The following SLC25A26 variants were observed in gnomAD, a reference collection of about 807,000 sequenced individuals.
SLC25A26 encodes the protein mitochondrial S-adenosylmethionine carrier protein.
A neutral mutation model predicts 37.8 loss-of-function variants in SLC25A26; 36 were observed. That is an observed-to-expected ratio of 0.95 (90% confidence interval 0.73 to 1.26). The LOEUF (loss-of-function observed/expected upper bound fraction) is 1.26, where lower values mean the gene tolerates loss of function less well. Ranked by LOEUF, SLC25A26 falls within the 50% of genes most tolerant of loss-of-function variation. The probability of loss-of-function intolerance (pLI) is 0.00; values close to 1 mark genes in which losing one functional copy is unlikely to be tolerated. For synonymous variants in SLC25A26, 129 were observed against 122.5 expected, an observed-to-expected ratio of 1.05 and a Z score of -0.35; for missense variants, 390 against 331.1, an observed-to-expected ratio of 1.18 and a Z score of -1.38.
intron 9 of SLC25A26, 49 bp from the exon 10 acceptor site, chr3:66,377,641 C>T: frequency 1.4e-6 from 2 of 1,469,094 alleles, no homozygotes; most frequent in South Asian, 1.1e-5. Flanking sequence ...TGGAATTTAA[C>T]CTTTTTTTAA....
At chr3:66,297,042 G>C (rs1279550961) in intron 5 of SLC25A26, among the ~76,000 whole-genome samples, 1 of 152,142 alleles carries the variant, frequency 6.6e-6, no homozygotes, top group Non-Finnish European at 1.5e-5. Flanking sequence ...GTTTGGCATT[G>C]AGCGAGGTGC....
At chr3:66,218,956 T>G (rs1199593511), upstream of SLC25A26, among the ~76,000 whole-genome samples, 1 of 152,246 alleles carries the variant, frequency 6.6e-6, no homozygotes, top group Non-Finnish European at 1.5e-5. Flanking sequence ...GCTAAATGAC[T>G]CCTTGATTCT....
chr3:66,193,151 C>G (rs1240141290), intron 1 of SLC25A26, among the ~76,000 whole-genome samples: 6 of 152,006 alleles, frequency 3.9e-5, no homozygotes, highest in African/African-American at 7.2e-5. Flanking sequence ...ATTTAGTATA[C>G]TGACAATTAT....
At chr3:66,175,820 A>C (rs2070578590) in intron 1 of SLC25A26, among the ~76,000 whole-genome samples, 1 of 152,198 alleles carries the variant, frequency 6.6e-6, no homozygotes, top group African/African-American at 2.4e-5. Context: ...AGGCCCACAC[A>C]CATTAGGGCG....
upstream of SLC25A26, chr3:66,220,855 C>T (rs2071451112): frequency 5.3e-6 from 3 of 569,752 alleles, no homozygotes; most frequent in South Asian, 4.2e-5. Flanking sequence ...TGCAGGAAAC[C>T]GAGGTAAGGG....
At chr3:66,280,885 C>T (rs1322980713) in intron 5 of SLC25A26, among the ~76,000 whole-genome samples, 1 of 152,006 alleles carries the variant, frequency 6.6e-6, no homozygotes, top group Non-Finnish European at 1.5e-5. Context: ...GAATGGAGTC[C>T]TACTTCTCAT....
intron 4 of SLC25A26, 128 bp from the exon 5 acceptor site, chr3:66,263,204 C>G: frequency 1.4e-6 from 1 of 700,610 alleles, no homozygotes; most frequent in Non-Finnish European, 2.6e-6. Context: ...TCATTAACCT[C>G]TTAGAGAAGT....
In SLC25A26 at chr3:66,349,265, A is replaced by T. The variant is rs548616542; in HGVS notation, c.498+2857A>T. 5.5e-4 allele frequency among the ~76,000 whole-genome samples: 83 copies of T among 152,234 alleles called. 1 individual carries two copies. The highest frequency in any genetic ancestry group is 4.6e-3 in the South Asian group (22 of 4,820). Reference sequence around the variant, plus strand: ...TCGTTTCTTGAGGAACGCTTTACATATGATAAAACTCACCCTTTATACCTG... The same window carrying T: ...TCGTTTCTTGAGGAACGCTTTACATTTGATAAAACTCACCCTTTATACCTG... On this transcript the variant is annotated intron_variant, in intron 6 of 9. Transcript: ENST00000354883.
At chr3:66,156,742 C>T (rs147789232) in intron 1 of SLC25A26, among the ~76,000 whole-genome samples, 11 of 152,210 alleles carry the variant, frequency 7.2e-5, no homozygotes, top group East Asian at 1.9e-4. Flanking sequence ...TGGCTCAGAA[C>T]ATGCCACACT....
chr3:66,142,779 T>C (rs1349546741), intron 1 of SLC25A26, among the ~76,000 whole-genome samples: 5 of 152,192 alleles, frequency 3.3e-5, no homozygotes, highest in African/African-American at 4.8e-5. Flanking sequence ...TTTCTCTTTT[T>C]TTGAGACAGG....
chr3:66,342,688 C>T (rs2076235616), intron 5 of SLC25A26, among the ~76,000 whole-genome samples: 1 of 152,170 alleles, frequency 6.6e-6, no homozygotes, highest in Admixed American at 6.5e-5. Context: ...CATGCCCTTC[C>T]TGTTTACCAC....
intron 5 of SLC25A26, chr3:66,293,164 A>G (rs1356383651): frequency 1.3e-5 from 2 of 152,106 alleles, no homozygotes; most frequent in Non-Finnish European, 2.9e-5. Flanking sequence ...CACAGGGCCC[A>G]TGCTAATCTT....
intron 1 of SLC25A26, among the ~76,000 whole-genome samples, chr3:66,184,585 C>CTGCTCAGCTTGAGTTTACTATGTATTACA (rs2070779587): frequency 7.8e-6 from 1 of 128,136 alleles, no homozygotes; most frequent in Non-Finnish European, 1.7e-5. Context: ...TCACCTGACT[C>CTGCTCAGCTTGAGTTTACTATGTATTACA]TGCTCACCTT....
chr3:66,260,372 G>C (rs1392239410), intron 3 of SLC25A26, among the ~76,000 whole-genome samples: 1 of 152,198 alleles, frequency 6.6e-6, no homozygotes, highest in Non-Finnish European at 1.5e-5. Flanking sequence ...GGAAAAATAT[G>C]TTGGCCCAAG....
chr3:66,225,586 C>T (rs1238490711), intron 1 of SLC25A26, among the ~76,000 whole-genome samples: 2 of 152,222 alleles, frequency 1.3e-5, no homozygotes, highest in Admixed American at 6.5e-5. Context: ...ACTGTCTTGT[C>T]AGTTAACATT....
At chr3:66,240,538 A>C (rs2072524374) in intron 2 of SLC25A26, among the ~76,000 whole-genome samples, 1 of 151,880 alleles carries the variant, frequency 6.6e-6, no homozygotes, top group Admixed American at 6.6e-5. Flanking sequence ...CAGCCTCCCA[A>C]AGTGCTGGGA....
At chr3:66,335,086 C>G (rs1390622752) in intron 5 of SLC25A26, among the ~76,000 whole-genome samples, 1 of 152,148 alleles carries the variant, frequency 6.6e-6, no homozygotes, top group Non-Finnish European at 1.5e-5. Flanking sequence ...TAGGTTCCAA[C>G]CTGTGTAACA....
chr3:66,309,929 G>C (rs1559684086), intron 5 of SLC25A26, among the ~76,000 whole-genome samples: 1 of 152,088 alleles, frequency 6.6e-6, no homozygotes. Flanking sequence ...TTATGTGGTC[G>C]ATTTTAGAAT....
chr3:66,348,058 A>G (rs707013), intron 6 of SLC25A26, among the ~76,000 whole-genome samples: 15 of 152,104 alleles, frequency 9.9e-5, no homozygotes, highest in African/African-American at 3.4e-4. Flanking sequence ...TGATACATGC[A>G]ACAAACCACC....
Sources: allele counts gnomAD v4.1 joint callset (sites outside exome capture counted in the v4.1 genomes callset), GRCh38; gene constraint gnomAD v4.1.1; transcripts MANE v1.5; gene names NCBI Gene and HGNC (gene_info 2026-07-23, HGNC 2026-07-21).